TUT4: variants seen among roughly 807,000 people sequenced by gnomAD.
TUT4 encodes the protein terminal uridylyltransferase 4.
A neutral mutation model predicts 192.2 loss-of-function variants in TUT4; 36 were observed. The observed-to-expected ratio is 0.19, with a 90% CI of 0.14 to 0.25. The LOEUF (loss-of-function observed/expected upper bound fraction) is 0.25, where lower values mean the gene tolerates loss of function less well. Ranked by LOEUF, TUT4 falls within the 10% of genes least tolerant of loss-of-function variation. TUT4 has a pLI of 1.00. For missense variants in TUT4, 1,493 were observed against 1,957.2 expected (o/e 0.76, Z 4.47); for synonymous variants, 618 against 666.0 (o/e 0.93, Z 1.11).
At chr1:52,436,185 G>A (rs987974884) in intron 26 of TUT4, among the ~76,000 whole-genome samples, 6 of 152,120 alleles carry the variant, frequency 3.9e-5, no homozygotes, top group Non-Finnish European at 8.8e-5. Flanking sequence ...TGAAGAATCT[G>A]ACTCAAATCC....
rs536195305 is a variant in TUT4, at chr1:52,447,804, A to C, written c.3436-1137T>G. ...CCTAAGTGCTCACTTTTCCCAGTGAAAATGAGGAAAGACTATATAAATTAG... is the reference window on the plus strand; with the variant it reads ...CCTAAGTGCTCACTTTTCCCAGTGACAATGAGGAAAGACTATATAAATTAG... On this transcript the variant is annotated intron_variant, in intron 20 of 29. Transcript: ENST00000257177. Among the ~76,000 whole-genome samples the C allele has an allele frequency of 5.3e-5, 8 of 152,334 alleles. No homozygotes were observed. In the South Asian group the frequency reaches 1.7e-3, roughly 32 times the overall value.
chr1:52,425,695 A>C (rs1041494351), intron 28 of TUT4, among the ~76,000 whole-genome samples, 188 bp from the exon 29 acceptor site: 1 of 152,252 alleles, frequency 6.6e-6, no homozygotes, highest in Non-Finnish European at 1.5e-5. Context: ...CATAAGAGAC[A>C]TACAAGAAGA....
intron 1 of TUT4, among the ~76,000 whole-genome samples, chr1:52,534,265 G>A (rs1192710364): frequency 2.6e-5 from 4 of 152,128 alleles, no homozygotes; most frequent in Non-Finnish European, 4.4e-5. Flanking sequence ...AGTTCCTGAG[G>A]GCTAAGTCTG....
rs138037077 is a variant in TUT4, at chr1:52,526,894, G to A, written c.-93-521C>T. ...ACAAAAATTAGCCAGGCATGGTGGCGTGCGCCTGTAATCCCAGTTACTCAG... is the reference window on the plus strand; with the variant it reads ...ACAAAAATTAGCCAGGCATGGTGGCATGCGCCTGTAATCCCAGTTACTCAG... On this transcript the variant is annotated intron_variant, in intron 1 of 29. Transcript: ENST00000257177. 3.1e-3 allele frequency among the ~76,000 whole-genome samples: 469 copies of A among 152,114 alleles called. 2 individuals are homozygous for A. Among genetic ancestry groups the A allele is most frequent in the African/African-American group, 0.01 (422 of 41,518 alleles).
chr1:52,435,600 A>G (rs1407520378), intron 26 of TUT4, 135 bp from the exon 27 acceptor site: 2 of 681,064 alleles, frequency 2.9e-6, no homozygotes, highest in African/African-American at 3.6e-5. Context: ...TTAAACCTTA[A>G]GTATATTAAC....
intron 20 of TUT4, among the ~76,000 whole-genome samples, chr1:52,448,588 CA>C (rs1190767355): frequency 0.11 from 4,426 of 40,884 alleles, 30 homozygotes; most frequent in African/African-American, 0.18. Flanking sequence ...GATTCTGTCT[CA>C]AAAAAAAAAA....
At chr1:52,521,013 T>C (rs1242577285) in intron 2 of TUT4, among the ~76,000 whole-genome samples, 27 of 152,048 alleles carry the variant, frequency 1.8e-4, no homozygotes, top group Non-Finnish European at 8.8e-5. Flanking sequence ...AGGCTGGTCT[T>C]GAACTCCTGA....
At chr1:52,499,035 A>C (rs1673377691) in intron 4 of TUT4, among the ~76,000 whole-genome samples, 1 of 148,344 alleles carries the variant, frequency 6.7e-6, no homozygotes, top group East Asian at 2.0e-4. Flanking sequence ...AGCCAAAACG[A>C]TCCTGACAAA....
chr1:52,450,425 T>TTGTTTGA (rs1491093501), intron 20 of TUT4, among the ~76,000 whole-genome samples: 3 of 152,210 alleles, frequency 2.0e-5, no homozygotes, highest in Non-Finnish European at 4.4e-5. Flanking sequence ...GAACTGTCTC[T>TTGTTTGA]TGTTTGATCA....
intron 20 of TUT4, among the ~76,000 whole-genome samples, chr1:52,455,906 T>TA (rs1337514366): frequency 1.3e-5 from 2 of 152,032 alleles, no homozygotes; most frequent in African/African-American, 4.8e-5. Flanking sequence ...AAACTAAACA[T>TA]ACTCGTACAT....
At chr1:52,453,734 G>C (rs1660094488) in intron 20 of TUT4, among the ~76,000 whole-genome samples, 1 of 152,110 alleles carries the variant, frequency 6.6e-6, no homozygotes, top group South Asian at 2.1e-4. Context: ...TGCTGACACT[G>C]GAAGTTCTAG....
intron 9 of TUT4, among the ~76,000 whole-genome samples, chr1:52,486,867 A>C (rs555561734): frequency 6.6e-6 from 1 of 152,314 alleles, no homozygotes; most frequent in African/African-American, 2.4e-5. Context: ...CCAAAATAAA[A>C]AGAATGTATC....
At chr1:52,498,522 G>A (rs1673076256) in intron 4 of TUT4, among the ~76,000 whole-genome samples, 2 of 151,898 alleles carry the variant, frequency 1.3e-5, no homozygotes, top group Admixed American at 1.3e-4. Flanking sequence ...GGGATTACAG[G>A]CGTGAGCCAC....
At chr1:52,461,411 T>G (rs1662520527) in intron 18 of TUT4, 102 bp downstream of exon 18, 4 of 1,265,202 alleles carry the variant, frequency 3.2e-6, no homozygotes, top group Non-Finnish European at 4.4e-6. Flanking sequence ...TAAAATACTT[T>G]TTCCTTATAC....
rs1653444791 is a variant in TUT4, at chr1:52,435,465, G to A, written c.4163C>T (p.Ala1388Val). ...LARQRNSSVA[A>V]AQLVRNLVNA... The stretch of plus-strand genomic sequence containing the variant: ...TACAAGGTTGCGGACCAGCTGGGCT[G>A]CTAAGAGAAGGCATCACAAAGAAAA... Residue 1388 changes from alanine to valine, a missense_variant and splice_region_variant, in exon 27 of 30, where the codon GCA becomes GTA. Ala to Val is a moderately conservative substitution (Grantham distance 64, BLOSUM62 0). Coordinates refer to ENST00000257177, the MANE Select transcript of TUT4 (RefSeq NM_001009881.3). 1.9e-6 allele frequency: 3 copies of A among 1,613,646 alleles called. No individual in the cohort carries two copies. The highest frequency in any genetic ancestry group is 2.5e-6 in the Non-Finnish European group (3 of 1,179,660).
chr1:52,508,951 T>A (rs1676363861), intron 4 of TUT4, among the ~76,000 whole-genome samples: 1 of 152,214 alleles, frequency 6.6e-6, no homozygotes, highest in South Asian at 2.1e-4. Context: ...TCACATCACA[T>A]CATTTTCCCC....
chr1:52,542,894 T>C (rs938189546), intron 1 of TUT4, among the ~76,000 whole-genome samples: 2 of 152,084 alleles, frequency 1.3e-5, no homozygotes, highest in Non-Finnish European at 2.9e-5. Flanking sequence ...CCCAAGTAGC[T>C]GGGATTACAG....
Position 52,481,503 on chromosome 1 carries a change from T to G in TUT4, c.1768A>C (p.Lys590Gln). Reference protein sequence around the residue: ...KNSIAEENKAKADQPKDDTKK... With the variant: ...KNSIAEENKAQADQPKDDTKK... The stretch of plus-strand genomic sequence containing the variant: ...GTATCATCTTTTGGTTGGTCTGCCT[T>G]AGCTTTGTTTTCCTCAGCAATTGAG... Residue 590 changes from lysine to glutamine, a missense_variant, in exon 11 of 30, where the codon AAG becomes CAG. Transcript: ENST00000257177. 6.2e-7 allele frequency: 1 copy of G among 1,614,028 alleles called. No individual in the cohort carries two copies. The highest frequency in any genetic ancestry group is 8.5e-7 in the Non-Finnish European group (1 of 1,179,966).
intron 9 of TUT4, among the ~76,000 whole-genome samples, chr1:52,488,601 C>G (rs1178656582): frequency 1.3e-5 from 2 of 152,232 alleles, no homozygotes; most frequent in Non-Finnish European, 2.9e-5. Context: ...GTTTAACTTA[C>G]AGTAAGAGTG....
Sources: allele counts gnomAD v4.1 joint callset (sites outside exome capture counted in the v4.1 genomes callset), GRCh38; gene constraint gnomAD v4.1.1; transcripts MANE v1.5; gene names NCBI Gene and HGNC (gene_info 2026-07-23, HGNC 2026-07-21).